The following ARPC1A variants were observed in gnomAD, a reference collection of about 807,000 sequenced individuals.
ARPC1A encodes actin-related protein 2/3 complex subunit 1A.
In ARPC1A, 8 loss-of-function variants were observed where a neutral mutation model predicts 46.9. The ratio of observed to expected loss-of-function variants is 0.17; its 90% confidence interval spans 0.10 to 0.31. The LOEUF (loss-of-function observed/expected upper bound fraction) is 0.31, where lower values mean the gene tolerates loss of function less well. Ranked by LOEUF, ARPC1A falls within the 10% of genes least tolerant of loss-of-function variation. The pLI, the probability that ARPC1A is intolerant of heterozygous loss-of-function variation, is 1.00. For missense variants in ARPC1A, 286 were observed against 483.6 expected (o/e 0.59, Z 3.83); for synonymous variants, 152 against 169.0 (o/e 0.90, Z 0.78).
intron 3 of ARPC1A, among the ~76,000 whole-genome samples, chr7:99,343,622 A>G (rs1793391472): frequency 6.6e-6 from 1 of 152,222 alleles, no homozygotes; most frequent in African/African-American, 2.4e-5. Context: ...GAGGTACCAG[A>G]TAAGTAAAGT....
chr7:99,354,195 C>T (rs1584384420), intron 6 of ARPC1A, 74 bp downstream of exon 6: 1 of 1,505,764 alleles, frequency 6.6e-7, no homozygotes, highest in Admixed American at 1.9e-5. Context: ...CAGGACTGCC[C>T]TTCCTGGGGT....
rs745977698 is a variant in ARPC1A, at chr7:99,365,951, C to G, written c.*22C>G. 1.3e-5 allele frequency: 20 copies of G among 1,564,850 alleles called. No homozygotes were observed. The highest frequency in any genetic ancestry group is 3.8e-5 in the Admixed American group (2 of 53,030). On this transcript the variant is annotated 3_prime_UTR_variant, in exon 10 of 10. Coordinates refer to ENST00000262942, the MANE Select transcript of ARPC1A (RefSeq NM_006409.4). ...GTGAAGCTGAGTGAGCCTCCGCCAT[C>G]CAGCATGACAAACTGTGGCCGACCG...
chr7:99,334,852 T>A (rs573672944), intron 2 of ARPC1A, among the ~76,000 whole-genome samples: 1 of 150,410 alleles, frequency 6.6e-6, no homozygotes, highest in African/African-American at 2.4e-5. Context: ...TGGCTAATAT[T>A]TTTTTTTTTG....
chr7:99,347,769 C>T (rs1254192974), intron 4 of ARPC1A, among the ~76,000 whole-genome samples: 4 of 148,784 alleles, frequency 2.7e-5, no homozygotes, highest in African/African-American at 9.9e-5. Context: ...GTGGAGGTTG[C>T]GGTGAGCTGA....
intron 6 of ARPC1A, among the ~76,000 whole-genome samples, chr7:99,355,693 G>A (rs543998490): frequency 1.6e-4 from 25 of 151,682 alleles, no homozygotes; most frequent in African/African-American, 4.9e-4. Context: ...GCAGTGAACC[G>A]AGATCATGCC....
At chr7:99,347,784 A>T (rs1793479663) in intron 4 of ARPC1A, among the ~76,000 whole-genome samples, 1 of 151,378 alleles carries the variant, frequency 6.6e-6, no homozygotes, top group Non-Finnish European at 1.5e-5. Flanking sequence ...AGCTGAGATC[A>T]CGCCATTGCA....
intron 8 of ARPC1A, among the ~76,000 whole-genome samples, chr7:99,362,252 C>A (rs1466071457): frequency 6.6e-6 from 1 of 151,512 alleles, no homozygotes; most frequent in Non-Finnish European, 1.5e-5. Flanking sequence ...CGAGATCGCA[C>A]CACTGCACTC....
chr7:99,330,020 G>A (rs548311183), intron 1 of ARPC1A, among the ~76,000 whole-genome samples: 1 of 151,650 alleles, frequency 6.6e-6, no homozygotes, highest in Non-Finnish European at 1.5e-5. Flanking sequence ...TCTGATATCA[G>A]AGATAAAGAG....
At chr7:99,359,435 CAAAAAAA>C in intron 7 of ARPC1A, 103 bp from the exon 8 acceptor site, 12 of 806,898 alleles carry the variant, frequency 1.5e-5, no homozygotes, top group Non-Finnish European at 1.8e-5. Flanking sequence ...GACTCGGTCT[CAAAAAAA>C]AAAAAAAAAA....
chr7:99,357,920 G>A (rs1793668159), intron 6 of ARPC1A, among the ~76,000 whole-genome samples: 2 of 152,196 alleles, frequency 1.3e-5, no homozygotes, highest in African/African-American at 4.8e-5. Context: ...GGTGAGCACA[G>A]GCAAGGAGAA....
At chr7:99,356,384 C>G (rs1216158311) in intron 6 of ARPC1A, among the ~76,000 whole-genome samples, 1 of 151,912 alleles carries the variant, frequency 6.6e-6, no homozygotes, top group African/African-American at 2.4e-5. Context: ...GCGGGTGGAT[C>G]ACCTCAGGTA....
intron 7 of ARPC1A, chr7:99,358,862 T>G: frequency 6.6e-6 from 1 of 151,702 alleles, no homozygotes. Context: ...GAGACTGTCT[T>G]GCTCTGTCGC....
chr7:99,341,560 G>A (rs193138543), intron 3 of ARPC1A, among the ~76,000 whole-genome samples: 1 of 147,330 alleles, frequency 6.8e-6, no homozygotes, highest in African/African-American at 2.5e-5. Context: ...GGTGAGCCGA[G>A]ATTGTGCCAT....
At chr7:99,335,588 G>A (rs1793233737) in intron 2 of ARPC1A, 3 of 286,468 alleles carry the variant, frequency 1.0e-5, no homozygotes, top group Non-Finnish European at 6.9e-6. Context: ...GGATCAGTTT[G>A]TTAATTTCTT....
chr7:99,343,348 C>T (rs1406629191), intron 3 of ARPC1A, among the ~76,000 whole-genome samples: 3 of 151,934 alleles, frequency 2.0e-5, no homozygotes, highest in Admixed American at 6.6e-5. Flanking sequence ...TGCCTGTAAT[C>T]CCAGCTACTC....
intron 8 of ARPC1A, among the ~76,000 whole-genome samples, chr7:99,361,654 A>G (rs973827964): frequency 5.3e-5 from 8 of 152,144 alleles, no homozygotes; most frequent in African/African-American, 1.9e-4. Flanking sequence ...GGAAAGAAAA[A>G]GCTCTCATTG....
intron 2 of ARPC1A, among the ~76,000 whole-genome samples, chr7:99,334,721 A>T (rs1265628425): frequency 6.6e-6 from 1 of 151,946 alleles, no homozygotes; most frequent in Non-Finnish European, 1.5e-5. Flanking sequence ...TTGCTCTGTC[A>T]TCCAAGCTGG....
chr7:99,335,363 T>G (rs1306037019), intron 2 of ARPC1A: 3 of 425,780 alleles, frequency 7.0e-6, no homozygotes, highest in African/African-American at 2.1e-5. Flanking sequence ...CTTGGCCCCC[T>G]TTTTGAAAAT....
At chr7:99,336,560 C>T (rs1052375249) in intron 2 of ARPC1A, among the ~76,000 whole-genome samples, 1 of 137,218 alleles carries the variant, frequency 7.3e-6, no homozygotes. Context: ...GACGTGATCT[C>T]GGCCCAAAAT....
Sources: gnomAD v4.1 joint callset for allele counts (sites outside exome capture counted in the v4.1 genomes callset) on GRCh38, gnomAD v4.1.1 for gene constraint, MANE v1.5 for transcripts, NCBI Gene and HGNC (gene_info 2026-07-23, HGNC 2026-07-21) for gene names.